FUT9: variants seen among roughly 807,000 people sequenced by gnomAD.
FUT9 encodes the protein 4-galactosyl-N-acetylglucosaminide 3-alpha-L-fucosyltransferase 9.
In FUT9, 15 loss-of-function variants were observed where a neutral mutation model predicts 29.7. That is an observed-to-expected ratio of 0.51 (90% confidence interval 0.34 to 0.78). FUT9 has a LOEUF of 0.78. Among genes scored for constraint, FUT9 ranks in the 30% least tolerant of loss-of-function variants. The pLI is 0.01. For synonymous variants in FUT9, 169 were observed against 153.7 expected (o/e 1.10, Z -0.74); for missense variants, 319 against 425.4 (o/e 0.75, Z 2.20).
At chr6:96,052,574 A>T (rs562231283) in intron 1 of FUT9, among the ~76,000 whole-genome samples, 1 of 152,286 alleles carries the variant, frequency 6.6e-6, no homozygotes, top group African/African-American at 2.4e-5. Context: ...AGAAAGTTGG[A>T]AAGCCAAATC....
chr6:96,116,369 A>T (rs1334273028), intron 2 of FUT9, among the ~76,000 whole-genome samples: 1 of 152,222 alleles, frequency 6.6e-6, no homozygotes, highest in Non-Finnish European at 1.5e-5. Flanking sequence ...TTTGGAATGT[A>T]CAAGTTTCCT....
chr6:96,072,657 A>G (rs189673707), intron 1 of FUT9, among the ~76,000 whole-genome samples: 1 of 152,294 alleles, frequency 6.6e-6, no homozygotes, highest in East Asian at 1.9e-4. Flanking sequence ...TGCCTTATTC[A>G]GATAGAAAAA....
At position 96,065,069 on chromosome 6, in the gene FUT9, T is replaced by C. The variant is rs538025680; in HGVS notation, c.-98+48857T>C. Among the ~76,000 whole-genome samples, 73 of 152,284 alleles carry C rather than the reference T, an allele frequency of 4.8e-4. 1 individual carries two copies. Among genetic ancestry groups the C allele is most frequent in the African/African-American group, 1.7e-3 (70 of 41,564 alleles). ...TTTAGTACATGTTCCATGTGAATTT[T>C]AAGAACAATGATTAGTAGAAAGAAC... On this transcript the variant is annotated intron_variant, in intron 1 of 2. Transcript: ENST00000302103.
At chr6:96,200,876 A>C in intron 2 of FUT9, among the ~76,000 whole-genome samples, 1 of 152,048 alleles carries the variant, frequency 6.6e-6, no homozygotes, top group East Asian at 1.9e-4. Flanking sequence ...ATGCAACTAA[A>C]CTTCCATAAA....
chr6:96,031,105 T>A (rs1488707520), intron 1 of FUT9, among the ~76,000 whole-genome samples: 1 of 151,506 alleles, frequency 6.6e-6, no homozygotes, highest in Non-Finnish European at 1.5e-5. Flanking sequence ...ACCTGATTTT[T>A]AAAAAATCAT....
At chr6:96,166,254 C>T (rs1275629299) in intron 2 of FUT9, among the ~76,000 whole-genome samples, 1 of 151,938 alleles carries the variant, frequency 6.6e-6, no homozygotes, top group Non-Finnish European at 1.5e-5. Context: ...ATTATACTGC[C>T]AGGACAGTTA....
At chr6:96,146,319 A>G (rs1372102945) in intron 2 of FUT9, among the ~76,000 whole-genome samples, 1 of 152,200 alleles carries the variant, frequency 6.6e-6, no homozygotes, top group African/African-American at 2.4e-5. Context: ...TAGCTGAAGA[A>G]CATTTCTATC....
intron 1 of FUT9, among the ~76,000 whole-genome samples, chr6:96,044,520 A>G (rs1770524489): frequency 6.6e-6 from 1 of 152,250 alleles, no homozygotes; most frequent in African/African-American, 2.4e-5. Context: ...TCAAATATGT[A>G]ACTTATTTTC....
intron 2 of FUT9, among the ~76,000 whole-genome samples, chr6:96,137,425 T>C (rs1772377636): frequency 1.3e-5 from 2 of 152,164 alleles, no homozygotes; most frequent in African/African-American, 4.8e-5. Context: ...ACAAGTTATG[T>C]GGATACTTCA....
intron 1 of FUT9, among the ~76,000 whole-genome samples, chr6:96,058,264 A>G (rs1257042865): frequency 1.3e-5 from 2 of 152,044 alleles, no homozygotes; most frequent in Non-Finnish European, 2.9e-5. Context: ...TCATTGTTCA[A>G]AGGGTTTGAT....
chr6:96,017,550 T>C, intron 1 of FUT9, among the ~76,000 whole-genome samples: 1 of 152,166 alleles, frequency 6.6e-6, no homozygotes, highest in East Asian at 1.9e-4. Flanking sequence ...AAAACAAAAC[T>C]ACCCCACAAA....
chr6:96,110,847 GA>G (rs2127960604), intron 1 of FUT9, among the ~76,000 whole-genome samples: 1 of 16,040 alleles, frequency 6.2e-5, no homozygotes. Context: ...ATTTTTTGTA[GA>G]AACAGGGTCT....
At chr6:96,138,646 C>A (rs978545730) in intron 2 of FUT9, among the ~76,000 whole-genome samples, 1 of 152,158 alleles carries the variant, frequency 6.6e-6, no homozygotes, top group African/African-American at 2.4e-5. Flanking sequence ...AGTCTGTCAG[C>A]AACTTCGAAG....
chr6:96,076,670 A>C (rs1771146478), intron 1 of FUT9, among the ~76,000 whole-genome samples: 2 of 152,330 alleles, frequency 1.3e-5, no homozygotes, highest in South Asian at 4.1e-4. Flanking sequence ...TTTGATATAT[A>C]GAAATATAAA....
chr6:96,138,056 T>C (rs1772390686), intron 2 of FUT9, among the ~76,000 whole-genome samples: 1 of 152,164 alleles, frequency 6.6e-6, no homozygotes, highest in Admixed American at 6.6e-5. Context: ...GTTCCATGTT[T>C]ATTATTTTGA....
intron 2 of FUT9, among the ~76,000 whole-genome samples, chr6:96,175,411 A>G (rs1177752335): frequency 6.6e-6 from 1 of 152,214 alleles, no homozygotes; most frequent in Admixed American, 6.5e-5. Context: ...ATTGTCTGCT[A>G]ATAAATGTGT....
chr6:96,072,777 A>T lies in FUT9; in HGVS notation c.-97-41262A>T, dbSNP rs910693404. ...GCTATATTTTAACTGAAGTACTTTG[A>T]TGTTAATAAAAATTGCACAAACATA... On this transcript the variant is annotated intron_variant, in intron 1 of 2. Coordinates refer to ENST00000302103, the MANE Select transcript of FUT9 (RefSeq NM_006581.4). Among the ~76,000 whole-genome samples the T allele has an allele frequency of 4.6e-5, 7 of 152,208 alleles. No individual in the cohort carries two copies. In the South Asian group the frequency reaches 1.4e-3, roughly 32 times the overall value.
At chr6:96,150,315 T>C (rs1212867976) in intron 2 of FUT9, among the ~76,000 whole-genome samples, 1 of 152,130 alleles carries the variant, frequency 6.6e-6, no homozygotes, top group Non-Finnish European at 1.5e-5. Flanking sequence ...GACCTGGACT[T>C]TAAAATATGG....
chr6:96,110,815 C>CTATTTTTTTATTTATTTATT (rs11283884), intron 1 of FUT9, among the ~76,000 whole-genome samples: 1 of 145,046 alleles, frequency 6.9e-6, no homozygotes, highest in Admixed American at 7.0e-5. Flanking sequence ...ACAAATGTGC[C>CTATTTTTTTATTTATTTATT]TATTTATTTA....
Sources: allele counts gnomAD v4.1 joint callset (sites outside exome capture counted in the v4.1 genomes callset), GRCh38; gene constraint gnomAD v4.1.1; transcripts MANE v1.5; gene names NCBI Gene and HGNC (gene_info 2026-07-23, HGNC 2026-07-21).